TMEM217B: variants seen among roughly 807,000 people sequenced by gnomAD.
TMEM217B encodes putative transmembrane protein 217B.
the TMEM217B span, among the ~76,000 whole-genome samples, chr6:37,225,010 A>T: frequency 1.4e-4 from 20 of 142,284 alleles, 1 homozygote; most frequent in Middle Eastern, 3.5e-3. Context: ...CCATCTCTAT[A>T]AAAAAAAAAA....
At chr6:37,228,524 T>C in the TMEM217B span, among the ~76,000 whole-genome samples, 2 of 152,214 alleles carry the variant, frequency 1.3e-5, no homozygotes, top group Non-Finnish European at 2.9e-5. Context: ...ACCAATATGG[T>C]GAAACCCTGT....
the TMEM217B span, among the ~76,000 whole-genome samples, chr6:37,225,279 G>T: frequency 8.5e-5 from 13 of 152,286 alleles, no homozygotes; most frequent in African/African-American, 3.1e-4. Context: ...TGAAGTGCAA[G>T]GGGCAGGGAT....
At chr6:37,232,680 C>T in the TMEM217B span, among the ~76,000 whole-genome samples, 1 of 152,240 alleles carries the variant, frequency 6.6e-6, no homozygotes, top group African/African-American at 2.4e-5. Context: ...ACACTCCCTT[C>T]CTTTGTTACA....
the TMEM217B span, among the ~76,000 whole-genome samples, chr6:37,228,772 C>T: frequency 2.7e-4 from 41 of 151,544 alleles, no homozygotes; most frequent in Non-Finnish European, 5.0e-4. Context: ...CCGAGGCAGG[C>T]GGATCACAAG....
the TMEM217B span, among the ~76,000 whole-genome samples, chr6:37,240,060 G>A: frequency 6.6e-6 from 1 of 152,170 alleles, no homozygotes; most frequent in Non-Finnish European, 1.5e-5. Flanking sequence ...GCTAAGAAGA[G>A]GCGAGACAGA....
the TMEM217B span, among the ~76,000 whole-genome samples, chr6:37,248,756 AAAGTTGT>A: frequency 6.6e-6 from 1 of 152,222 alleles, no homozygotes; most frequent in Non-Finnish European, 1.5e-5. Flanking sequence ...CAATGGGCAA[AAAGTTGT>A]GAGGGAGATC....
chr6:37,226,412 C>T, the TMEM217B span, among the ~76,000 whole-genome samples: 1 of 150,378 alleles, frequency 6.6e-6, no homozygotes, highest in South Asian at 2.1e-4. Context: ...CCTGCCTCAG[C>T]CTCCCAAGTA....
the TMEM217B span, among the ~76,000 whole-genome samples, chr6:37,221,976 T>C: frequency 6.6e-6 from 1 of 152,132 alleles, no homozygotes; most frequent in African/African-American, 2.4e-5. Flanking sequence ...GAGAGGGTAG[T>C]TCCTCTCTGT....
the TMEM217B span, among the ~76,000 whole-genome samples, chr6:37,245,191 CA>C: frequency 6.6e-6 from 1 of 152,218 alleles, no homozygotes; most frequent in Non-Finnish European, 1.5e-5. Flanking sequence ...ACCAATCTAC[CA>C]TACTATGTTC....
the TMEM217B span, among the ~76,000 whole-genome samples, chr6:37,228,291 C>A: frequency 6.6e-6 from 1 of 152,212 alleles, no homozygotes; most frequent in African/African-American, 2.4e-5. Flanking sequence ...GCAATTAGGA[C>A]AGTGTCCACC....
the TMEM217B span, among the ~76,000 whole-genome samples, chr6:37,243,799 T>C: frequency 1.3e-5 from 2 of 152,078 alleles, no homozygotes; most frequent in African/African-American, 4.8e-5. Flanking sequence ...AGCAGAGGAC[T>C]AGGGAATGGG....
chr6:37,214,128 T>G, the TMEM217B span, among the ~76,000 whole-genome samples: 1 of 152,218 alleles, frequency 6.6e-6, no homozygotes, highest in Non-Finnish European at 1.5e-5. Flanking sequence ...GAATGTAAAA[T>G]TCACCACTTT....
the TMEM217B span, among the ~76,000 whole-genome samples, chr6:37,215,570 C>CAAAAAAAAAAAAAAAAAAAAAAAAAA: frequency 1.4e-4 from 10 of 72,368 alleles, no homozygotes; most frequent in Admixed American, 4.2e-4. Flanking sequence ...GACTCTGTCT[C>CAAAAAAAAAAAAAAAAAAAAAAAAAA]AAAAAAAAAA....
chr6:37,219,005 A>T, the TMEM217B span: 19 of 1,613,876 alleles, frequency 1.2e-5, no homozygotes, highest in Non-Finnish European at 1.5e-5. Flanking sequence ...TTTGGCAGTC[A>T]TCCCACACCA....
the TMEM217B span, chr6:37,213,099 T>C: frequency 1.0e-5 from 8 of 798,784 alleles, no homozygotes; most frequent in Admixed American, 5.4e-5. Flanking sequence ...AGAGCAATGA[T>C]GGTGTGTGGA....
chr6:37,237,928 C>A, the TMEM217B span, among the ~76,000 whole-genome samples: 1 of 152,092 alleles, frequency 6.6e-6, no homozygotes, highest in Non-Finnish European at 1.5e-5. Context: ...ATGATGATCA[C>A]CTTGGCCAGG....
chr6:37,230,096 T>G, the TMEM217B span, among the ~76,000 whole-genome samples: 5 of 152,152 alleles, frequency 3.3e-5, no homozygotes, highest in Non-Finnish European at 7.4e-5. Flanking sequence ...GAGGCCTCCT[T>G]CCAGGCCTTG....
chr6:37,224,871 A>G, the TMEM217B span, among the ~76,000 whole-genome samples: 2 of 152,176 alleles, frequency 1.3e-5, no homozygotes, highest in African/African-American at 4.8e-5. Context: ...ATATGTGAAT[A>G]AAACTTTATT....
At chr6:37,244,496 C>T in the TMEM217B span, among the ~76,000 whole-genome samples, 2 of 152,304 alleles carry the variant, frequency 1.3e-5, no homozygotes, top group Admixed American at 6.5e-5. Flanking sequence ...GTTGAAGTCT[C>T]GTCTACCTCA....
Sources: gnomAD v4.1 joint callset for allele counts (sites outside exome capture counted in the v4.1 genomes callset) on GRCh38, gnomAD v4.1.1 for gene constraint, MANE v1.5 for transcripts, NCBI Gene and HGNC (gene_info 2026-07-23, HGNC 2026-07-21) for gene names.